Variants in CRIM1 observed in about 807,000 individuals in gnomAD.
CRIM1 encodes the protein cysteine rich transmembrane BMP regulator 1.
Under a neutral mutation model 116.4 loss-of-function variants are expected in CRIM1, and 32 were observed. That is an observed-to-expected ratio of 0.27 (90% CI 0.21 to 0.37). The LOEUF is 0.37. CRIM1 is among the 10% of genes least tolerant of loss of function. The pLI is 1.00. For missense variants in CRIM1, 1,331 were observed against 1,354.8 expected (o/e 0.98, Z 0.28); for synonymous variants, 590 against 509.2 (o/e 1.16, Z -2.13).
intron 1 of CRIM1, among the ~76,000 whole-genome samples, chr2:36,383,860 A>C (rs1048522588): frequency 6.6e-6 from 1 of 152,218 alleles, no homozygotes; most frequent in Non-Finnish European, 1.5e-5. Flanking sequence ...TGGAGTGAAC[A>C]TGCATAGTAT....
intron 13 of CRIM1, among the ~76,000 whole-genome samples, chr2:36,522,915 A>G (rs1372379563): frequency 6.6e-6 from 1 of 151,454 alleles, no homozygotes; most frequent in Non-Finnish European, 1.5e-5. Context: ...CAGGGTTTTC[A>G]ATTTCAGAAC....
intron 6 of CRIM1, among the ~76,000 whole-genome samples, chr2:36,478,496 A>G (rs923039132): frequency 3.3e-5 from 5 of 152,314 alleles, no homozygotes; most frequent in Admixed American, 3.3e-4. Flanking sequence ...ATGTATTCTA[A>G]TACTTTTTAC....
At chr2:36,384,555 A>C (rs1671036937) in intron 1 of CRIM1, among the ~76,000 whole-genome samples, 1 of 152,208 alleles carries the variant, frequency 6.6e-6, no homozygotes, top group East Asian at 1.9e-4. Flanking sequence ...AAGACTTTTT[A>C]ATCTTTCTAT....
In CRIM1 at chr2:36,368,022, C is replaced by G. The variant is rs139428732; in HGVS notation, c.331+11399C>G. ...CAAATTCACATGCTCATTTCTGCCTCTGACACTAGGAGAGAGTTGAGTAAT... is the reference window on the plus strand; with the variant it reads ...CAAATTCACATGCTCATTTCTGCCTGTGACACTAGGAGAGAGTTGAGTAAT... On this transcript the variant is annotated intron_variant, in intron 1 of 16. Coordinates refer to ENST00000280527, the MANE Select transcript of CRIM1 (RefSeq NM_016441.3). Among the ~76,000 whole-genome samples, 345 of 152,338 alleles carry G rather than the reference C, an allele frequency of 2.3e-3. 1 individual carries two copies. Among genetic ancestry groups the G allele is most frequent in the African/African-American group, 8.0e-3 (332 of 41,572 alleles).
chr2:36,362,548 G>C (rs539387474), intron 1 of CRIM1, among the ~76,000 whole-genome samples: 3 of 152,280 alleles, frequency 2.0e-5, no homozygotes, highest in South Asian at 2.1e-4. Context: ...GCGGATAAGC[G>C]TGGGCAGTAA....
At chr2:36,365,680 T>C (rs541958187) in intron 1 of CRIM1, among the ~76,000 whole-genome samples, 1 of 152,264 alleles carries the variant, frequency 6.6e-6, no homozygotes, top group African/African-American at 2.4e-5. Flanking sequence ...AGCTGTTTAG[T>C]TCTTAGTGTG....
chr2:36,441,955 T>G (rs1383961569), intron 3 of CRIM1, among the ~76,000 whole-genome samples: 2 of 152,214 alleles, frequency 1.3e-5, no homozygotes, highest in Non-Finnish European at 2.9e-5. Context: ...AGTTTCATAA[T>G]GCAACACTCA....
chr2:36,477,147 C>T, intron 6 of CRIM1, 76 bp downstream of exon 6: 1 of 1,167,852 alleles, frequency 8.6e-7, no homozygotes, highest in Non-Finnish European at 1.2e-6. Context: ...CGTCCTAATT[C>T]AGTCTCATCC....
intron 8 of CRIM1, among the ~76,000 whole-genome samples, chr2:36,506,938 C>A (rs1271078930): frequency 6.6e-6 from 1 of 152,074 alleles, no homozygotes; most frequent in Admixed American, 6.6e-5. Flanking sequence ...GCTCTCACTG[C>A]AGCCTCGACC....
At chr2:36,547,312 A>G in intron 16 of CRIM1, 141 bp downstream of exon 16, 1 of 661,958 alleles carries the variant, frequency 1.5e-6, no homozygotes. Flanking sequence ...ACCAGGCTAT[A>G]GTATGAATCA....
chr2:36,381,338 A>C (rs1418048791), intron 1 of CRIM1, among the ~76,000 whole-genome samples: 1 of 152,144 alleles, frequency 6.6e-6, no homozygotes, highest in African/African-American at 2.4e-5. Flanking sequence ...AGACTCCCAC[A>C]CTGGGGGCGG....
At chr2:36,493,571 C>A (rs561196973) in intron 7 of CRIM1, among the ~76,000 whole-genome samples, 1 of 152,192 alleles carries the variant, frequency 6.6e-6, no homozygotes, top group Non-Finnish European at 1.5e-5. Flanking sequence ...TACAGAGTCA[C>A]CCACCCATAC....
intron 5 of CRIM1, among the ~76,000 whole-genome samples, chr2:36,469,871 C>T (rs1215801144): frequency 6.6e-6 from 1 of 152,066 alleles, no homozygotes; most frequent in South Asian, 2.1e-4. Flanking sequence ...TTGTTGTAAT[C>T]CTTTCTAAGG....
At chr2:36,434,242 C>G (rs1450197394) in intron 2 of CRIM1, among the ~76,000 whole-genome samples, 2 of 152,194 alleles carry the variant, frequency 1.3e-5, no homozygotes, top group East Asian at 3.8e-4. Flanking sequence ...CACATGATAT[C>G]TCTAAGGCCA....
chr2:36,415,863 C>A (rs1196766620), intron 2 of CRIM1, among the ~76,000 whole-genome samples: 1 of 152,154 alleles, frequency 6.6e-6, no homozygotes, highest in Non-Finnish European at 1.5e-5. Flanking sequence ...AAAGCAGGGA[C>A]GGTGCCTGGC....
chr2:36,512,786 A>T (rs1664779533), intron 10 of CRIM1, among the ~76,000 whole-genome samples: 1 of 152,330 alleles, frequency 6.6e-6, no homozygotes, highest in Non-Finnish European at 1.5e-5. Flanking sequence ...ATAGCTCAGA[A>T]GTTAGCTGCT....
intron 7 of CRIM1, among the ~76,000 whole-genome samples, chr2:36,495,146 T>C (rs1303953484): frequency 6.6e-6 from 1 of 152,176 alleles, no homozygotes; most frequent in Non-Finnish European, 1.5e-5. Context: ...CTCTGTTCAA[T>C]TGAACTTTGT....
chr2:36,418,676 CA>C (rs1673814577), intron 2 of CRIM1, among the ~76,000 whole-genome samples: 1 of 152,202 alleles, frequency 6.6e-6, no homozygotes, highest in Non-Finnish European at 1.5e-5. Flanking sequence ...GAATCAGCTT[CA>C]GAAACAAGGT....
chr2:36,464,037 A>G (rs1677795342), intron 4 of CRIM1, among the ~76,000 whole-genome samples: 1 of 152,162 alleles, frequency 6.6e-6, no homozygotes, highest in Non-Finnish European at 1.5e-5. Flanking sequence ...AAAATACTAA[A>G]AAGCTAATAA....
Sources: allele counts gnomAD v4.1 joint callset (sites outside exome capture counted in the v4.1 genomes callset), GRCh38; gene constraint gnomAD v4.1.1; transcripts MANE v1.5; gene names NCBI Gene and HGNC (gene_info 2026-07-23, HGNC 2026-07-21).